Variants in TMX2 observed in about 807,000 individuals in gnomAD.
TMX2 encodes thioredoxin-related transmembrane protein 2.
In TMX2, 20 loss-of-function variants were observed where a neutral mutation model predicts 33.4. The observed-to-expected ratio is 0.60, with a 90% CI of 0.42 to 0.87. TMX2 has a LOEUF of 0.87. TMX2 is among the 40% of genes least tolerant of loss of function. The pLI, the probability that TMX2 is intolerant of heterozygous loss-of-function variation, is 0.00. For synonymous variants in TMX2, 166 were observed against 140.7 expected (o/e 1.18, Z -1.27); for missense variants, 340 against 370.7 (o/e 0.92, Z 0.68).
At chr11:57,717,714 C>CAA (rs1565214296) in intron 1 of TMX2, among the ~76,000 whole-genome samples, 2 of 12,922 alleles carry the variant, frequency 1.5e-4, no homozygotes, top group African/African-American at 5.6e-4. Context: ...AGAGGGAGAC[C>CAA]GAGAGGGAGA....
rs1475784945 is a variant in TMX2 at position 57,717,063 on chromosome 11, C to T, written c.189+4256C>T. Among the ~76,000 whole-genome samples, 38 of 143,818 alleles carry T rather than the reference C, an allele frequency of 2.6e-4. 1 individual carries two copies. The highest frequency in any genetic ancestry group is 8.5e-4 in the African/African-American group (31 of 36,622). The allele number at this position is 143,818 out of a possible 152,430, so 94.4% of individuals were successfully genotyped here. ...GCAGAGGCGCTCCTCACATCCCGGA[C>T]GGGGCGGCGGGGCAGAGGCGCTCCC... On this transcript the variant is annotated intron_variant, in intron 1 of 7. Coordinates refer to ENST00000278422, the MANE Select transcript of TMX2 (RefSeq NM_015959.4).
chr11:57,717,898 G>A lies in TMX2; in HGVS notation c.189+5091G>A, dbSNP rs1020832234. ...CCAGCTAGGCATGTAAGGGAACAAG[G>A]AAAACACGGAACCCAAAGGGAACTG... On this transcript the variant is annotated intron_variant, in intron 1 of 7. Transcript: ENST00000278422. The A allele has an allele frequency of 6.5e-6, 4 of 611,616 alleles. No homozygotes were observed. In the African/African-American group the frequency reaches 7.4e-5, roughly 11 times the overall value. The allele number at this position is 611,616 out of a possible 1,614,324, so 37.9% of individuals were successfully genotyped here.
Position 57,740,463 on chromosome 11 carries a change from G to A in TMX2, c.*218G>A. 1 of 520,700 alleles carries A rather than the reference G, an allele frequency of 1.9e-6. No individual in the cohort carries two copies. Among genetic ancestry groups the A allele is most frequent in the Non-Finnish European group, 3.3e-6 (1 of 302,916 alleles). The allele number at this position is 520,700 out of a possible 1,614,324, so 32.3% of individuals were successfully genotyped here. A position where few individuals can be genotyped will look rare whatever the true frequency, so the allele number is the denominator to read the frequency against. ...CCAACTGTTTCACTGGAGCAAGAAA[G>A]AGATCTCATAGGACGGAGGGGGAAA... On this transcript the variant is annotated 3_prime_UTR_variant, in exon 8 of 8. Transcript: ENST00000278422.
intron 1 of TMX2, chr11:57,718,612 AT>A (rs1389597210): frequency 7.0e-6 from 3 of 429,576 alleles, no homozygotes; most frequent in Non-Finnish European, 1.3e-5. Flanking sequence ...TATCTATATC[AT>A]TGTTTTCCTC....
intron 3 of TMX2, 112 bp downstream of exon 3, chr11:57,738,138 C>G (rs1219436845): frequency 2.3e-6 from 2 of 861,434 alleles, no homozygotes; most frequent in Non-Finnish European, 3.7e-6. Context: ...TTCTCCATAC[C>G]CTTCTTCCAT....
chr11:57,715,586 C>CTTTTTTTTTTTTTTTTTTTT (rs367827761), intron 1 of TMX2, among the ~76,000 whole-genome samples: 85 of 130,020 alleles, frequency 6.5e-4, no homozygotes, highest in Non-Finnish European at 8.2e-4. Context: ...AATTTGTTTT[C>CTTTTTTTTTTTTTTTTTTTT]TTTTTTTTTT....
intron 1 of TMX2, among the ~76,000 whole-genome samples, chr11:57,726,976 T>C (rs1365296980): frequency 6.6e-6 from 1 of 152,194 alleles, no homozygotes; most frequent in South Asian, 2.1e-4. Flanking sequence ...CCTGGCTGAT[T>C]GGGTTGTTTA....
Position 57,737,917 on chromosome 11 carries a change from T to C in TMX2, c.255T>C (p.Thr85=). 1.2e-6 allele frequency: 2 copies of C among 1,614,210 alleles called. No homozygotes were observed. Among genetic ancestry groups the C allele is most frequent in the Non-Finnish European group, 1.7e-6 (2 of 1,180,020 alleles). The change falls in exon 3 of 8, where the codon ACT becomes ACC. Residue 85 remains threonine (T), a synonymous_variant. Transcript: ENST00000278422. ...IVMMKNRRSI[T]VEQHIGNIFM... is the part of the protein sequence containing the mutation. ...TGTGACATCTCTGTGTTTCAGTCAC[T>C]GTGGAGCAACATATAGGCAACATTT...
At chr11:57,740,059 T>G in intron 7 of TMX2, 40 bp from the exon 8 acceptor site, 1 of 1,613,384 alleles carries the variant, frequency 6.2e-7, no homozygotes, top group Non-Finnish European at 8.5e-7. Flanking sequence ...TTACTCTCCC[T>G]TCCAACCCAG....
chr11:57,724,910 C>G (rs942292896), intron 1 of TMX2, among the ~76,000 whole-genome samples: 1 of 151,640 alleles, frequency 6.6e-6, no homozygotes, highest in Non-Finnish European at 1.5e-5. Flanking sequence ...CGGTGGCAGG[C>G]GCCTGTAATC....
intron 1 of TMX2, chr11:57,718,195 T>C: frequency 7.5e-7 from 1 of 1,340,520 alleles, no homozygotes; most frequent in Non-Finnish European, 1.1e-6. Flanking sequence ...GCAGTGTAGA[T>C]GAAAAGCTGG....
At chr11:57,733,616 GA>G (rs941488638) in intron 1 of TMX2, among the ~76,000 whole-genome samples, 5 of 150,764 alleles carry the variant, frequency 3.3e-5, no homozygotes, top group Admixed American at 1.3e-4. Context: ...GTTTCTCTAA[GA>G]AAAAAAAATG....
rs535068796 is a variant in TMX2 at position 57,734,195 on chromosome 11, A to G, written c.190-3413A>G. Among the ~76,000 whole-genome samples the G allele has an allele frequency of 5.4e-5, 8 of 147,070 alleles. No individual in the cohort carries two copies. The East Asian group carries it at 1.7e-3, about 30-fold the overall frequency. On this transcript the variant is annotated intron_variant, in intron 1 of 7. Coordinates refer to ENST00000278422, the MANE Select transcript of TMX2 (RefSeq NM_015959.4). ...AAAAAAAAAAAAAAAAAAGGACTGC[A>G]AGGGCACACACTTTCTTAACTGCCT...
chr11:57,728,231 C>G (rs944192024), intron 1 of TMX2, among the ~76,000 whole-genome samples: 11 of 151,976 alleles, frequency 7.2e-5, no homozygotes, highest in African/African-American at 2.7e-4. Context: ...GGCGCCATCT[C>G]GGCTCACTGC....
At chr11:57,736,387 CTA>C (rs1461600848) in intron 1 of TMX2, among the ~76,000 whole-genome samples, 3 of 151,602 alleles carry the variant, frequency 2.0e-5, no homozygotes, top group African/African-American at 7.3e-5. Context: ...TTAAGAAAGT[CTA>C]TGAATTTGTG....
chr11:57,733,607 T>G (rs1049974192), intron 1 of TMX2, among the ~76,000 whole-genome samples: 1 of 152,020 alleles, frequency 6.6e-6, no homozygotes, highest in Non-Finnish European at 1.5e-5. Flanking sequence ...TTGCTTAAAG[T>G]TTCTCTAAGA....
At chr11:57,719,035 T>A (rs11229105) in intron 1 of TMX2, among the ~76,000 whole-genome samples, 2,444 of 90,164 alleles carry the variant, frequency 0.027, 16 homozygotes, top group Admixed American at 0.04. Flanking sequence ...ATATATATAT[T>A]TTTTTTTTTT....
chr11:57,736,490 G>A (rs1948758898), intron 1 of TMX2, among the ~76,000 whole-genome samples: 1 of 152,152 alleles, frequency 6.6e-6, no homozygotes, highest in Admixed American at 6.5e-5. Flanking sequence ...TGTAAGACGA[G>A]TATTGAAAAG....
intron 1 of TMX2, among the ~76,000 whole-genome samples, chr11:57,718,800 T>C (rs900005041): frequency 6.6e-6 from 1 of 150,454 alleles, no homozygotes; most frequent in Non-Finnish European, 1.5e-5. Flanking sequence ...GGACTACAGG[T>C]GCCTGCCACC....
Sources: allele counts gnomAD v4.1 joint callset (sites outside exome capture counted in the v4.1 genomes callset), GRCh38; gene constraint gnomAD v4.1.1; transcripts MANE v1.5; gene names NCBI Gene and HGNC (gene_info 2026-07-23, HGNC 2026-07-21).